Variants in TTLL11 observed in about 807,000 individuals in gnomAD.
TTLL11 encodes the protein tubulin tyrosine ligase like 11.
TTLL11 carries 42 observed loss-of-function variants against 51.7 expected under a neutral mutation model. The ratio of observed to expected loss-of-function variants is 0.81; its 90% CI spans 0.64 to 1.05. TTLL11 has a LOEUF of 1.05. Among genes scored for constraint, TTLL11 ranks in the 50% least tolerant of loss-of-function variants. The pLI, the probability that TTLL11 is intolerant of heterozygous loss-of-function variation, is 0.00. For missense variants in TTLL11, 799 were observed against 940.4 expected (o/e 0.85, Z 1.97); for synonymous variants, 381 against 383.5 (o/e 0.99, Z 0.08).
In TTLL11 at chr9:121,823,022, C is replaced by T. The variant is rs1836631290; in HGVS notation, c.1841-143G>A. 5 of 1,021,892 alleles carry T rather than the reference C, an allele frequency of 4.9e-6. No individual in the cohort carries two copies. The South Asian group carries it at 7.1e-5, about 14-fold the overall frequency. The allele number at this position is 1,021,892 out of a possible 1,614,324, so 63.3% of individuals were successfully genotyped here. A position where few individuals can be genotyped will look rare whatever the true frequency, so the allele number is the denominator to read the frequency against. ...TCCATTCCAGAAACTCCTAACAGGG[C>T]TAACTCACTCACAGAGTGCCCACTG... On this transcript the variant is annotated intron_variant, in intron 8 of 8. Transcript: ENST00000321582.
intron 3 of TTLL11, among the ~76,000 whole-genome samples, chr9:122,028,588 G>A (rs1170280091): frequency 6.6e-6 from 1 of 152,132 alleles, no homozygotes; most frequent in Non-Finnish European, 1.5e-5. Flanking sequence ...ATTAAAGCTG[G>A]AAATTTCAAC....
chr9:122,093,086 C>T lies in TTLL11; in HGVS notation c.63G>A (p.Ala21=). 3 of 1,503,960 alleles carry T rather than the reference C, an allele frequency of 2.0e-6. No homozygotes were observed. The allele number at this position is 1,503,960 out of a possible 1,614,324, so 93.2% of individuals were successfully genotyped here. A position where few individuals can be genotyped will look rare whatever the true frequency, so the allele number is the denominator to read the frequency against. The change falls in exon 1 of 9, where the codon GCG becomes GCA. Residue 21 remains alanine, a synonymous_variant. Transcript: ENST00000321582. ...CCTCAGCTTTGGCCGCCGCTTTGGC[C>T]GCAGCCACCGCCTCCGCCTCCCACC... ...AARWEAEAVA[A]AKAAAKAEAE... is the part of the protein sequence containing the mutation.
chr9:121,864,181 G>T (rs1316829806), intron 7 of TTLL11, among the ~76,000 whole-genome samples: 1 of 152,202 alleles, frequency 6.6e-6, no homozygotes, highest in East Asian at 1.9e-4. Context: ...GAATTTATTT[G>T]TGTCCTCTCT....
intron 3 of TTLL11, among the ~76,000 whole-genome samples, chr9:122,020,493 C>A (rs1367707698): frequency 6.6e-6 from 1 of 152,254 alleles, no homozygotes; most frequent in Non-Finnish European, 1.5e-5. Flanking sequence ...ACTGTGTTAA[C>A]CCTGCCAAAT....
At chr9:122,044,527 C>T (rs1003671319) in intron 1 of TTLL11, among the ~76,000 whole-genome samples, 3 of 152,144 alleles carry the variant, frequency 2.0e-5, no homozygotes, top group African/African-American at 7.2e-5. Context: ...CCGGTTGTTT[C>T]CTGACTTTTT....
chr9:121,990,069 A>G (rs183416232), intron 3 of TTLL11, among the ~76,000 whole-genome samples: 1 of 152,366 alleles, frequency 6.6e-6, no homozygotes, highest in East Asian at 1.9e-4. Flanking sequence ...AACAGGTCAT[A>G]TAACTAATAA....
chr9:121,926,282 G>A (rs1417612658), intron 6 of TTLL11, among the ~76,000 whole-genome samples: 1 of 152,180 alleles, frequency 6.6e-6, no homozygotes, highest in East Asian at 1.9e-4. Context: ...CCAGGGGTCA[G>A]GGCAAAGGAT....
At chr9:121,856,517 T>G (rs1363614125) in intron 8 of TTLL11, among the ~76,000 whole-genome samples, 1 of 152,244 alleles carries the variant, frequency 6.6e-6, no homozygotes, top group Non-Finnish European at 1.5e-5. Context: ...TTTTTATTTT[T>G]GTCTCACATA....
At chr9:122,032,756 TAA>T (rs1844590034) in intron 2 of TTLL11, among the ~76,000 whole-genome samples, 1 of 151,578 alleles carries the variant, frequency 6.6e-6, no homozygotes, top group Non-Finnish European at 1.5e-5. Context: ...AGCAAATAGG[TAA>T]AAATTATTAT....
intron 1 of TTLL11, among the ~76,000 whole-genome samples, chr9:122,057,022 T>G (rs553269283): frequency 6.6e-6 from 1 of 152,198 alleles, no homozygotes; most frequent in Non-Finnish European, 1.5e-5. Context: ...AATGGGTGGA[T>G]GTGTTCTTGG....
intron 1 of TTLL11, among the ~76,000 whole-genome samples, chr9:122,063,664 T>G (rs1032589607): frequency 2.0e-5 from 3 of 152,266 alleles, no homozygotes; most frequent in African/African-American, 7.2e-5. Context: ...GTTTTGTTCT[T>G]AAAACAACAG....
chr9:122,066,181 G>GA (rs904263039), intron 1 of TTLL11, among the ~76,000 whole-genome samples: 1 of 149,752 alleles, frequency 6.7e-6, no homozygotes, highest in Non-Finnish European at 1.5e-5. Context: ...GTGGACTGGG[G>GA]AGCAGAGTGT....
intron 6 of TTLL11, among the ~76,000 whole-genome samples, chr9:121,919,881 T>TAATATTAA (rs1840465993): frequency 6.8e-6 from 1 of 146,852 alleles, no homozygotes. Flanking sequence ...GGAAATATCC[T>TAATATTAA]AATATTAACA....
At chr9:121,906,649 A>G (rs1313895328) in intron 6 of TTLL11, among the ~76,000 whole-genome samples, 4 of 151,774 alleles carry the variant, frequency 2.6e-5, no homozygotes, top group Non-Finnish European at 5.9e-5. Flanking sequence ...TGGGAATCCT[A>G]TGTGTAGGGC....
At chr9:121,846,737 G>A (rs10985418) in intron 8 of TTLL11, among the ~76,000 whole-genome samples, 94,623 of 151,748 alleles carry the variant, frequency 0.62, 29,659 homozygotes, top group East Asian at 0.77. Flanking sequence ...TAAACTAGGC[G>A]AAGATTAAAA....
intron 8 of TTLL11, among the ~76,000 whole-genome samples, chr9:121,857,311 A>G (rs1218921486): frequency 6.6e-6 from 1 of 152,156 alleles, no homozygotes; most frequent in East Asian, 1.9e-4. Context: ...CCCCCTCTGT[A>G]TCACTTAAGT....
intron 1 of TTLL11, among the ~76,000 whole-genome samples, chr9:122,091,825 G>C (rs761101706): frequency 6.6e-6 from 1 of 152,208 alleles, no homozygotes; most frequent in Non-Finnish European, 1.5e-5. Flanking sequence ...AATTGCAACA[G>C]ACACCTCTAG....
At chr9:121,927,311 T>C (rs550526342) in intron 6 of TTLL11, among the ~76,000 whole-genome samples, 1 of 152,352 alleles carries the variant, frequency 6.6e-6, no homozygotes, top group Middle Eastern at 3.4e-3. Context: ...TCTATGTAGA[T>C]AGATGGATAG....
At chr9:122,016,000 G>A (rs1034757141) in intron 3 of TTLL11, among the ~76,000 whole-genome samples, 1 of 152,102 alleles carries the variant, frequency 6.6e-6, no homozygotes, top group Non-Finnish European at 1.5e-5. Flanking sequence ...AATTAAACAG[G>A]TAGTCACTAG....
Sources: gnomAD v4.1 joint callset for allele counts (sites outside exome capture counted in the v4.1 genomes callset) on GRCh38, gnomAD v4.1.1 for gene constraint, MANE v1.5 for transcripts, NCBI Gene and HGNC (gene_info 2026-07-23, HGNC 2026-07-21) for gene names.